Variants in TMPRSS9 observed in about 807,000 individuals in gnomAD.
TMPRSS9 encodes the protein transmembrane protease serine 9.
Under a neutral mutation model 111.4 loss-of-function variants are expected in TMPRSS9, and 113 were observed. That is an observed-to-expected ratio of 1.01 (90% CI 0.87 to 1.19). TMPRSS9 has a LOEUF of 1.19. TMPRSS9 is among the 50% of genes most tolerant of loss of function. TMPRSS9 has a pLI of 0.00. For missense variants in TMPRSS9, 1,803 were observed against 1,513.1 expected, an observed-to-expected ratio of 1.19 and a Z score of -3.18; for synonymous variants, 805 against 659.1, an observed-to-expected ratio of 1.22 and a Z score of -3.39.
At chr19:2,387,889 G>A (rs1230530045), upstream of TMPRSS9, among the ~76,000 whole-genome samples, 9 of 152,176 alleles carry the variant, frequency 5.9e-5, no homozygotes. Flanking sequence ...TAACGGCTGT[G>A]ACCAGCTCAC....
Position 2,424,090 on chromosome 19 carries a change from CTG to C in TMPRSS9, c.2553_2554del (p.Cys851TrpfsTer191), listed in dbSNP as rs2145422258. ...CCCACGCGCCTGGCTCCCCCGCAGACTGTGGCCTGGCGCCGGCCGCGCTCACC... is the reference window on the plus strand; with the variant it reads ...CCCACGCGCCTGGCTCCCCCGCAGACTGGCCTGGCGCCGGCCGCGCTCACC... On this transcript the variant is annotated frameshift_variant and splice_region_variant, in exon 15 of 18. Transcript: ENST00000648592. LOFTEE classifies it high-confidence loss of function. 1 of 1,292,396 alleles carries C rather than the reference CTG, an allele frequency of 7.7e-7. No homozygotes were observed. The highest frequency in any genetic ancestry group is 3.1e-5 in the East Asian group (1 of 32,040). The allele number at this position is 1,292,396 out of a possible 1,614,324, so 80.1% of individuals were successfully genotyped here. A position where few individuals can be genotyped will look rare whatever the true frequency, so the allele number is the denominator to read the frequency against.
intron 10 of TMPRSS9, among the ~76,000 whole-genome samples, chr19:2,414,939 C>CTTTTTTTTTTTTTTTTTTTTTTTTTTTT (rs1474701467): frequency 7.1e-6 from 1 of 141,456 alleles, no homozygotes. Context: ...AGTTGCATTC[C>CTTTTTTTTTTTTTTTTTTTTTTTTTTTT]TATTTTTTTT....
At chr19:2,385,383 T>G (rs1318054860), upstream of TMPRSS9, among the ~76,000 whole-genome samples, 1 of 152,048 alleles carries the variant, frequency 6.6e-6, no homozygotes, top group Non-Finnish European at 1.5e-5. Flanking sequence ...GGAAAATGGG[T>G]GGATCCCCTG....
At chr19:2,377,215 A>T (rs1013972180) in intron 1 of TMPRSS9, among the ~76,000 whole-genome samples, 6 of 146,736 alleles carry the variant, frequency 4.1e-5, no homozygotes, top group Admixed American at 3.4e-4. Context: ...TGCATATGTC[A>T]GTTCCTCGTA....
intron 10 of TMPRSS9, among the ~76,000 whole-genome samples, chr19:2,415,349 C>T (rs1016657678): frequency 1.3e-5 from 2 of 152,130 alleles, no homozygotes; most frequent in African/African-American, 2.4e-5. Context: ...GGAGTGCAGC[C>T]CCGTCTTTGC....
Position 2,396,699 on chromosome 19 carries a change from G to A in TMPRSS9, c.270+33G>A. 2.5e-6 allele frequency: 4 copies of A among 1,583,750 alleles called. No homozygotes were observed. In the South Asian group the frequency reaches 3.4e-5, roughly 13 times the overall value. ...TGGTCTGTGTTTGGGGGCCAGGGAG[G>A]AAGAGCGGGTGGCCGGGGGCTTTGA... On this transcript the variant is annotated intron_variant, in intron 2 of 17. Transcript: ENST00000648592.
At chr19:2,369,597 A>ATTTT (rs71178266) in intron 1 of TMPRSS9, among the ~76,000 whole-genome samples, 1 of 110,380 alleles carries the variant, frequency 9.1e-6, no homozygotes, top group Non-Finnish European at 1.8e-5. Context: ...CTAATTTGTA[A>ATTTT]TTTTTTTTTT....
At chr19:2,419,182 T>TTCTC (rs543519174) in intron 13 of TMPRSS9, among the ~76,000 whole-genome samples, 2 of 122,990 alleles carry the variant, frequency 1.6e-5, no homozygotes, top group Non-Finnish European at 3.4e-5. Flanking sequence ...TTTCCTTTCC[T>TTCTC]TCTCTCTCTC....
exon 18 of TMPRSS9, chr19:2,426,054 T>A: frequency 6.2e-7 from 1 of 1,609,380 alleles, no homozygotes; most frequent in Non-Finnish European, 8.5e-7. Context: ...GTGGCAGCTG[T>A]GAGAGGCTGG....
Position 2,415,605 on chromosome 19 carries a change from C to CGG in TMPRSS9, c.1574-65_1574-64insGG. 2.1e-6 allele frequency: 3 copies of CGG among 1,397,520 alleles called. No homozygotes were observed. The South Asian group carries it at 4.7e-5, about 22-fold the overall frequency. 86.6% of individuals were successfully genotyped at this position (1,397,520 alleles called of 1,614,324 possible). The stretch of plus-strand genomic sequence containing the variant: ...GCTGCAACCGGTGTCCTGGGACCAC[C>CGG]CCACCGGATGCTCCCACCCGAGCAG... On this transcript the variant is annotated intron_variant, in intron 10 of 17. Coordinates refer to ENST00000648592, the Ensembl canonical transcript of TMPRSS9.
intron 4 of TMPRSS9, among the ~76,000 whole-genome samples, chr19:2,399,802 C>T (rs1177520813): frequency 6.6e-6 from 1 of 152,128 alleles, no homozygotes; most frequent in Non-Finnish European, 1.5e-5. Context: ...ACTGCAGCTT[C>T]TGCCTCCCAG....
intron 2 of TMPRSS9, among the ~76,000 whole-genome samples, chr19:2,397,958 C>A (rs1488743623): frequency 8.1e-6 from 1 of 122,972 alleles, no homozygotes; most frequent in East Asian, 2.4e-4. Flanking sequence ...CGTGGTGGCT[C>A]ACGCCTGTGA....
chr19:2,409,630 A>C (rs1447249123), intron 8 of TMPRSS9, among the ~76,000 whole-genome samples: 1 of 152,096 alleles, frequency 6.6e-6, no homozygotes, highest in African/African-American at 2.4e-5. Context: ...GGAGGTCAGG[A>C]GATGCCTCCT....
At chr19:2,396,698 G>A in intron 2 of TMPRSS9, 32 bp downstream of exon 3, 2 of 1,583,572 alleles carry the variant, frequency 1.3e-6, no homozygotes, top group East Asian at 2.3e-5. Context: ...GGGCCAGGGA[G>A]GAAGAGCGGG....
At chr19:2,425,947 G>C (rs749385990) in exon 18 of TMPRSS9, 5 of 1,601,338 alleles carry the variant, frequency 3.1e-6, no homozygotes, top group Non-Finnish European at 4.3e-6. Context: ...GGGGACCCCT[G>C]GCCTGCAGGG....
At chr19:2,425,760 G>A (rs555459780) in intron 17 of TMPRSS9, 167 bp from the exon 19 acceptor site, 5 of 1,181,912 alleles carry the variant, frequency 4.2e-6, no homozygotes, top group Admixed American at 2.8e-5. Context: ...ACCACGTGGC[G>A]GGTGTCCATA....
upstream of TMPRSS9, among the ~76,000 whole-genome samples, chr19:2,388,023 C>T (rs368168494): frequency 6.6e-6 from 1 of 152,160 alleles, no homozygotes; most frequent in South Asian, 2.1e-4. Context: ...TGAACACTAG[C>T]CAACAGGAGT....
intron 1 of TMPRSS9, among the ~76,000 whole-genome samples, chr19:2,376,552 C>T (rs1165637318): frequency 1.3e-5 from 2 of 152,104 alleles, no homozygotes; most frequent in African/African-American, 4.8e-5. Context: ...CTCTGCCTCC[C>T]AGGTTCAAGC....
intron 1 of TMPRSS9, among the ~76,000 whole-genome samples, chr19:2,370,733 CTCTG>C (rs1341862113): frequency 6.6e-6 from 1 of 152,130 alleles, no homozygotes; most frequent in Non-Finnish European, 1.5e-5. Context: ...TGCTTTCTCT[CTCTG>C]TCTCTCTTTA....
Sources: allele counts gnomAD v4.1 joint callset (sites outside exome capture counted in the v4.1 genomes callset), GRCh38; gene constraint gnomAD v4.1.1; transcripts MANE v1.5; gene names NCBI Gene and HGNC (gene_info 2026-07-23, HGNC 2026-07-21).